TNR: variants seen among roughly 807,000 people sequenced by gnomAD.
TNR encodes the protein tenascin R.
Under a neutral mutation model 150.4 loss-of-function variants are expected in TNR, and 45 were observed. That is an observed-to-expected ratio of 0.30 (90% CI 0.24 to 0.38). The LOEUF (loss-of-function observed/expected upper bound fraction) is 0.38. Ranked by LOEUF, TNR falls within the 10% of genes least tolerant of loss-of-function variation. TNR has a pLI of 1.00. For synonymous variants in TNR, 687 were observed against 678.4 expected, an observed-to-expected ratio of 1.01 and a Z score of -0.20; for missense variants, 1,544 against 1,759.1, an observed-to-expected ratio of 0.88 and a Z score of 2.19.
chr1:175,699,022 G>A (rs371491367), intron 1 of TNR, among the ~76,000 whole-genome samples: 2 of 152,168 alleles, frequency 1.3e-5, no homozygotes, highest in African/African-American at 4.8e-5. Flanking sequence ...GAAGGAAGCA[G>A]GAATACCAAT....
chr1:175,523,906 G>A (rs577507201), intron 2 of TNR, among the ~76,000 whole-genome samples: 3 of 152,292 alleles, frequency 2.0e-5, no homozygotes, highest in South Asian at 2.1e-4. Flanking sequence ...TCCCTGCCAT[G>A]TACATAGCAG....
chr1:175,377,459 GT>G (rs60693271), intron 9 of TNR, among the ~76,000 whole-genome samples: 63,635 of 120,996 alleles, frequency 0.53, 15,421 homozygotes, highest in East Asian at 0.64. Context: ...TCATTTCAGG[GT>G]TTTTTTTTTT....
At chr1:175,568,574 T>G (rs1429065566) in intron 1 of TNR, among the ~76,000 whole-genome samples, 1 of 152,208 alleles carries the variant, frequency 6.6e-6, no homozygotes, top group Non-Finnish European at 1.5e-5. Flanking sequence ...GCATGGGTCC[T>G]TCTGCTTATT....
intron 1 of TNR, among the ~76,000 whole-genome samples, chr1:175,708,018 TTGTGTGTGTGTGTGTGTGTGTGTGTG>T (rs10676470): frequency 2.1e-5 from 3 of 144,654 alleles, no homozygotes; most frequent in African/African-American, 7.6e-5. Flanking sequence ...ATGTGTGTGT[TTGTGTGTGTGTGTGTGTGTGTGTGTG>T]TGTGTGTGTG....
At chr1:175,517,391 G>A (rs959748850) in intron 2 of TNR, among the ~76,000 whole-genome samples, 7 of 152,294 alleles carry the variant, frequency 4.6e-5, no homozygotes, top group African/African-American at 1.7e-4. Context: ...TAGGCAGGTG[G>A]AGGATGATTT....
chr1:175,625,578 G>A (rs1359512081), intron 1 of TNR, among the ~76,000 whole-genome samples: 3 of 152,244 alleles, frequency 2.0e-5, no homozygotes, highest in African/African-American at 7.2e-5. Flanking sequence ...GGAAGTAAGA[G>A]TGACTCTGAG....
intron 8 of TNR, among the ~76,000 whole-genome samples, chr1:175,382,459 T>C (rs1454759616): frequency 6.6e-6 from 1 of 152,222 alleles, no homozygotes; most frequent in African/African-American, 2.4e-5. Context: ...ATCATCCAGG[T>C]TGAAATTGTG....
At chr1:175,447,127 C>G (rs1656091413) in intron 2 of TNR, among the ~76,000 whole-genome samples, 1 of 151,664 alleles carries the variant, frequency 6.6e-6, no homozygotes, top group African/African-American at 2.4e-5. Flanking sequence ...CCCCGGGACA[C>G]AAGCCCAGCA....
intron 2 of TNR, among the ~76,000 whole-genome samples, chr1:175,445,701 T>C (rs1255849309): frequency 6.6e-6 from 1 of 152,236 alleles, no homozygotes; most frequent in Non-Finnish European, 1.5e-5. Context: ...TGTTATGAAA[T>C]GGAGAACCAA....
chr1:175,611,329 C>G (rs1225008784), intron 1 of TNR, among the ~76,000 whole-genome samples: 1 of 151,818 alleles, frequency 6.6e-6, no homozygotes. Flanking sequence ...CCATTTCCTT[C>G]GTTTCTACTC....
intron 1 of TNR, among the ~76,000 whole-genome samples, chr1:175,576,919 C>A (rs930316947): frequency 1.3e-5 from 2 of 152,164 alleles, no homozygotes; most frequent in Non-Finnish European, 2.9e-5. Context: ...AATTGAGATG[C>A]ATGTGTTTTC....
intron 2 of TNR, among the ~76,000 whole-genome samples, chr1:175,466,203 C>T (rs1165113071): frequency 6.6e-6 from 1 of 152,170 alleles, no homozygotes; most frequent in Non-Finnish European, 1.5e-5. Context: ...GAAACTGAGG[C>T]TCATGGAGGT....
At chr1:175,719,315 G>C (rs796826594) in intron 1 of TNR, among the ~76,000 whole-genome samples, 5 of 152,244 alleles carry the variant, frequency 3.3e-5, no homozygotes, top group African/African-American at 1.2e-4. Context: ...TTAGCAGAGA[G>C]GTCCTCACCC....
intron 3 of TNR, among the ~76,000 whole-genome samples, chr1:175,405,868 C>T (rs568855583): frequency 6.6e-6 from 1 of 152,172 alleles, no homozygotes; most frequent in African/African-American, 2.4e-5. Context: ...TGAAAGAAGA[C>T]AGACATCAAA....
intron 1 of TNR, among the ~76,000 whole-genome samples, chr1:175,681,226 A>G (rs765051828): frequency 3.3e-5 from 5 of 152,190 alleles, no homozygotes; most frequent in Admixed American, 1.3e-4. Flanking sequence ...GGAGGAAAGA[A>G]CAGCTCCCAA....
rs1211585739 is a variant in TNR at position 175,365,906 on chromosome 1, C to T, written c.2286G>A (p.Gln762=). 6.2e-7 allele frequency: 1 copy of T among 1,614,104 alleles called. No individual in the cohort carries two copies. The highest frequency in any genetic ancestry group is 2.2e-5 in the East Asian group (1 of 44,884). ...AAGCATCCACAGTGGACTCCAAGCT[C>T]TGCTGCCGACCCCTCTCAGCAGTGA... The part of the protein sequence containing the change: ...ISVTAERGRQ[Q]SLESTVDAFT... The change falls in exon 11 of 23, where the codon CAG becomes CAA. Residue 762 remains glutamine, a synonymous_variant. Coordinates refer to ENST00000367674, the MANE Select transcript of TNR (RefSeq NM_003285.3).
chr1:175,365,068 G>T lies in TNR; in HGVS notation c.2529C>A (p.Asn843Lys), dbSNP rs757252152. Reference protein sequence around the residue: ...GLQPATEYIVNLVAVHGTVTS... With the variant: ...GLQPATEYIVKLVAVHGTVTS... ...TCACTGTGCCATGGACAGCCACAAG[G>T]TTCACAATATACTCTGTGGCTGGTT... Residue 843 changes from asparagine to lysine, a missense_variant, in exon 12 of 23, where the codon AAC (asparagine) becomes AAA (lysine). Transcript: ENST00000367674. 6.2e-6 allele frequency: 10 copies of T among 1,613,968 alleles called. No homozygotes were observed. The Admixed American group carries it at 1.2e-4, about 19-fold the overall frequency.
Position 175,319,943 on chromosome 1 carries a change from T to C in TNR, c.*3414A>G, listed in dbSNP as rs1023561792. 6.6e-6 allele frequency: 1 copy of C among 152,254 alleles called. No individual in the cohort carries two copies. Among genetic ancestry groups the C allele is most frequent in the Admixed American group, 6.5e-5 (1 of 15,288 alleles). 9.4% of individuals were successfully genotyped at this position (152,254 alleles called of 1,614,324 possible). A position where few individuals can be genotyped will look rare whatever the true frequency, so the allele number is the denominator to read the frequency against. On this transcript the variant is annotated 3_prime_UTR_variant, in exon 23 of 23. Transcript: ENST00000367674. ...ACCTGACCCCTTCACCTTCCAGAAA[T>C]AACCCTGGTGAATGTGCATCTGATA...
chr1:175,661,904 G>A (rs1394113752), intron 1 of TNR, among the ~76,000 whole-genome samples: 3 of 150,286 alleles, frequency 2.0e-5, no homozygotes, highest in East Asian at 4.0e-4. Context: ...GGCCTTGAGA[G>A]GCTGCATTCA....
Sources: gnomAD v4.1 joint callset for allele counts (sites outside exome capture counted in the v4.1 genomes callset) on GRCh38, gnomAD v4.1.1 for gene constraint, MANE v1.5 for transcripts, NCBI Gene and HGNC (gene_info 2026-07-23, HGNC 2026-07-21) for gene names.